The following NOL4L variants were observed in gnomAD, a reference collection of about 807,000 sequenced individuals.
NOL4L encodes the protein nucleolar protein 4-like.
In NOL4L, 7 loss-of-function variants were observed where a neutral mutation model predicts 64.5. The observed-to-expected ratio is 0.11, with a 90% CI of 0.06 to 0.20. The LOEUF (loss-of-function observed/expected upper bound fraction) is 0.20. Ranked by LOEUF, NOL4L falls within the 10% of genes least tolerant of loss-of-function variation. The pLI, the probability that NOL4L is intolerant of heterozygous loss-of-function variation, is 1.00. For missense variants in NOL4L, 680 were observed against 967.1 expected, an observed-to-expected ratio of 0.70 and a Z score of 3.94; for synonymous variants, 413 against 401.0, an observed-to-expected ratio of 1.03 and a Z score of -0.36.
At chr20:32,562,949 A>G (rs909371442) in intron 1 of NOL4L, among the ~76,000 whole-genome samples, 1 of 1,038 alleles carries the variant, frequency 9.6e-4, no homozygotes, top group African/African-American at 6.9e-3. Flanking sequence ...GGTGGAGGGG[A>G]GGGAGGGTGG....
At chr20:32,486,569 G>A (rs6141734) in intron 4 of NOL4L, 134,613 of 368,732 alleles carry the variant, frequency 0.37, 27,696 homozygotes, top group East Asian at 0.83. Context: ...TGGGACTCTG[G>A]TTTGCCATTA....
rs1568649420 is a variant in NOL4L, at chr20:32,488,867, CTTTCTTTCT to C, written c.700-14134_700-14126del. Reference sequence around the variant, plus strand: ...TCTTTCTTTCTTTCTTTCTTTCTTTCTTTCTTTCTTTCTTTCTTTCTTTCTTTCCTCTCT... The same window carrying C: ...TCTTTCTTTCTTTCTTTCTTTCTTTCTTCTTTCTTTCTTTCTTTCCTCTCT... On this transcript the variant is annotated intron_variant, in intron 4 of 10. Transcript: ENST00000621426. Among the ~76,000 whole-genome samples the C allele has an allele frequency of 2.6e-3, 215 of 82,592 alleles. 3 individuals carry two copies. Among genetic ancestry groups the C allele is most frequent in the African/African-American group, 0.012 (207 of 16,928 alleles). The allele number at this position is 82,592 out of a possible 152,430, so 54.2% of individuals were successfully genotyped here.
chr20:32,546,678 C>G (rs1250083624), intron 1 of NOL4L, among the ~76,000 whole-genome samples: 1 of 152,160 alleles, frequency 6.6e-6, no homozygotes, highest in Non-Finnish European at 1.5e-5. Flanking sequence ...AGGTGATCCA[C>G]CCGGCTCAGC....
chr20:32,513,332 A>C (rs1272781243), intron 3 of NOL4L, among the ~76,000 whole-genome samples: 1 of 152,196 alleles, frequency 6.6e-6, no homozygotes, highest in African/African-American at 2.4e-5. Flanking sequence ...ACGCGATACC[A>C]AGGGCAAGAA....
chr20:32,475,044 A>G (rs991099390), intron 4 of NOL4L: 58 of 985,338 alleles, frequency 5.9e-5, no homozygotes, highest in Non-Finnish European at 6.9e-5. Flanking sequence ...CTTGTGAGCC[A>G]AGGTTGAAAC....
At chr20:32,528,607 A>G (rs896918708) in intron 1 of NOL4L, among the ~76,000 whole-genome samples, 1 of 152,158 alleles carries the variant, frequency 6.6e-6, no homozygotes, top group African/African-American at 2.4e-5. Flanking sequence ...TAGGTGTGCC[A>G]GGAGCAAGAC....
At chr20:32,511,305 C>T in intron 4 of NOL4L, 42 bp downstream of exon 4, 2 of 1,313,224 alleles carry the variant, frequency 1.5e-6, no homozygotes, top group Non-Finnish European at 2.1e-6. Flanking sequence ...CCAGGCAAGT[C>T]AGGACGCCTC....
At chr20:32,536,803 G>GGA in intron 1 of NOL4L, among the ~76,000 whole-genome samples, 1 of 123,860 alleles carries the variant, frequency 8.1e-6, no homozygotes, top group South Asian at 3.0e-4. Context: ...TGGGAGTGGG[G>GGA]GGGGGGGGGC....
chr20:32,463,545 C>T lies in NOL4L; in HGVS notation c.842-7150G>A, dbSNP rs2014279300. On this transcript the variant is annotated intron_variant, in intron 5 of 10. Coordinates refer to ENST00000621426, the MANE Select transcript of NOL4L (RefSeq NM_001256798.2). This position sits in a 1 kb window ranked among gnomAD's most constrained non-coding sequence, Gnocchi z 5.8. The stretch of plus-strand genomic sequence containing the variant: ...TCATCTGGGCAGGACCCGGAGCCCA[C>T]CACCTGTGCCCAGAATGCCTACGGG... Among the ~76,000 whole-genome samples, 1 of 152,236 alleles carries T rather than the reference C, an allele frequency of 6.6e-6. No individual in the cohort carries two copies. The highest frequency in any genetic ancestry group is 2.4e-5 in the African/African-American group (1 of 41,456).
intron 5 of NOL4L, among the ~76,000 whole-genome samples, chr20:32,473,690 C>T (rs1315101005): frequency 6.6e-6 from 1 of 152,156 alleles, no homozygotes; most frequent in Non-Finnish European, 1.5e-5. Context: ...AAGGCTGACC[C>T]GTTTCACAGA....
In NOL4L at chr20:32,464,393, C is replaced by A. The variant is rs981251820; in HGVS notation, c.842-7998G>T. 1.1e-4 allele frequency among the ~76,000 whole-genome samples: 16 copies of A among 152,216 alleles called. No homozygotes were observed. Among genetic ancestry groups the A allele is most frequent in the Non-Finnish European group, 1.5e-5 (1 of 68,028 alleles). ...CCACACGGGGCACCTGCATTCTCCA[C>A]GTGGCCCTCAGGCCCCAGCTGCCTG... On this transcript the variant is annotated intron_variant, in intron 5 of 10. Coordinates refer to ENST00000621426, the MANE Select transcript of NOL4L (RefSeq NM_001256798.2). This position sits in a 1 kb window ranked among gnomAD's most constrained non-coding sequence, Gnocchi z 5.6.
chr20:32,481,218 A>T (rs191319170), intron 4 of NOL4L, among the ~76,000 whole-genome samples: 38 of 152,256 alleles, frequency 2.5e-4, no homozygotes, highest in African/African-American at 8.7e-4. Context: ...TTTTGTTCCT[A>T]AGCAAAGGCA....
At chr20:32,486,838 C>G (rs1407948410) in intron 4 of NOL4L, 1 of 460,646 alleles carries the variant, frequency 2.2e-6, no homozygotes. Context: ...ATGTGCTCCC[C>G]CAACATGCTT....
In NOL4L at chr20:32,474,985, A is replaced by T. The variant is rs941204798; in HGVS notation, c.700-243T>A. The stretch of plus-strand genomic sequence containing the variant: ...GCACTGTCTGTAATTGAAGACAATT[A>T]TGAGGTCTCGCATCCTGCAGGGGCG... On this transcript the variant is annotated intron_variant, in intron 4 of 10. Coordinates refer to ENST00000621426, the MANE Select transcript of NOL4L (RefSeq NM_001256798.2). The T allele has an allele frequency of 3.0e-6, 3 of 985,108 alleles. No homozygotes were observed. The African/African-American group carries it at 5.2e-5, about 17-fold the overall frequency. The allele number at this position is 985,108 out of a possible 1,614,324, so 61.0% of individuals were successfully genotyped here.
chr20:32,558,049 T>A (rs1400010546), intron 1 of NOL4L, among the ~76,000 whole-genome samples: 3 of 152,198 alleles, frequency 2.0e-5, no homozygotes, highest in African/African-American at 7.2e-5. Context: ...TGAAACCGTG[T>A]CTCAATGTAA....
intron 4 of NOL4L, among the ~76,000 whole-genome samples, chr20:32,493,227 G>A (rs563909289): frequency 6.6e-6 from 1 of 152,308 alleles, no homozygotes; most frequent in South Asian, 2.1e-4. Context: ...ACTAACTTAC[G>A]TTCACTCGGT....
chr20:32,536,712 C>T (rs562182016), intron 1 of NOL4L, among the ~76,000 whole-genome samples: 101 of 148,836 alleles, frequency 6.8e-4, no homozygotes, highest in Middle Eastern at 3.5e-3. Flanking sequence ...GGAGCTGGGA[C>T]AGCCTGACTT....
chr20:32,453,973 G>A lies in NOL4L; in HGVS notation c.1120-212C>T. On this transcript the variant is annotated intron_variant, in intron 6 of 10. Transcript: ENST00000621426. The surrounding 1 kb of genome is among the most constrained non-coding windows in gnomAD (Gnocchi z 5.6). ...GCAATGCTACCACCTCCCTCCCTGGGCTGCCGCAGGGAGGACCGACTGCAA... is the reference window on the plus strand; with the variant it reads ...GCAATGCTACCACCTCCCTCCCTGGACTGCCGCAGGGAGGACCGACTGCAA... The A allele has an allele frequency of 1.7e-6, 1 of 586,996 alleles. No homozygotes were observed. Among genetic ancestry groups the A allele is most frequent in the Non-Finnish European group, 3.0e-6 (1 of 328,846 alleles). The allele number at this position is 586,996 out of a possible 1,614,324, so 36.4% of individuals were successfully genotyped here.
rs1054629969 is a variant in NOL4L, at chr20:32,447,663, C to T, written c.1976G>A (p.Arg659Gln). The T allele has an allele frequency of 1.9e-6, 3 of 1,598,036 alleles. No homozygotes were observed. Among genetic ancestry groups the T allele is most frequent in the Non-Finnish European group, 1.7e-6 (2 of 1,171,192 alleles). ...GCGCAGCAGGAAGGCAGCAGACTCC[C>T]GGTAGCCCGCGATGAGCTGCCGCAC... ...SAVRQLIAGY[R>Q]ESAAFLLRSA... The change falls in exon 11 of 11, where the codon CGG (arginine) becomes CAG (glutamine). Residue 659 changes from arginine to glutamine, a missense_variant. Transcript: ENST00000621426.
Sources: allele counts gnomAD v4.1 joint callset (sites outside exome capture counted in the v4.1 genomes callset), GRCh38; gene constraint gnomAD v4.1.1; non-coding constraint Gnocchi (gnomAD v3.1); transcripts MANE v1.5; gene names NCBI Gene and HGNC (gene_info 2026-07-23, HGNC 2026-07-21).